The following SGCD variants were observed in gnomAD, a reference collection of about 807,000 sequenced individuals.
SGCD encodes delta-sarcoglycan.
In SGCD, 18 loss-of-function variants were observed where a neutral mutation model predicts 36.6. The observed-to-expected ratio is 0.49, with a 90% CI of 0.34 to 0.73. SGCD has a LOEUF of 0.73. Among genes scored for constraint, SGCD ranks in the 30% least tolerant of loss-of-function variants. SGCD has a pLI of 0.01. For synonymous variants in SGCD, 133 were observed against 130.6 expected (o/e 1.02, Z -0.12); for missense variants, 387 against 346.7 (o/e 1.12, Z -0.92).
intron 3 of SGCD, among the ~76,000 whole-genome samples, chr5:156,456,927 C>G (rs1201363886): frequency 6.6e-6 from 1 of 152,040 alleles, no homozygotes; most frequent in Non-Finnish European, 1.5e-5. Flanking sequence ...TTTTATTTTT[C>G]TGTATTGTAG....
At chr5:156,756,989 C>A (rs958195293) in intron 7 of SGCD, among the ~76,000 whole-genome samples, 1 of 151,998 alleles carries the variant, frequency 6.6e-6, no homozygotes, top group African/African-American at 2.4e-5. Flanking sequence ...ATTTGCATTT[C>A]TATTGTGTCA....
intron 6 of SGCD, among the ~76,000 whole-genome samples, chr5:156,610,771 C>T (rs527669089): frequency 2.6e-5 from 4 of 152,222 alleles, no homozygotes; most frequent in African/African-American, 7.2e-5. Context: ...CTCGCTGCCA[C>T]CTTGCAGTTT....
chr5:155,789,779 A>G, the SGCD span, among the ~76,000 whole-genome samples: 1 of 152,150 alleles, frequency 6.6e-6, no homozygotes, highest in Admixed American at 6.6e-5. Context: ...AGAAGTGTTT[A>G]GGACCATTTC....
intron 4 of SGCD, among the ~76,000 whole-genome samples, chr5:156,549,516 T>C (rs1394070966): frequency 1.3e-5 from 2 of 152,250 alleles, no homozygotes; most frequent in African/African-American, 4.8e-5. Flanking sequence ...AAGGAATTAA[T>C]GTTCATTAGG....
At chr5:156,263,796 A>G (rs773557101) in intron 3 of SGCD, among the ~76,000 whole-genome samples, 2 of 152,100 alleles carry the variant, frequency 1.3e-5, no homozygotes, top group Non-Finnish European at 2.9e-5. Context: ...ATCCAGCTTC[A>G]TTCTTCTACT....
intron 4 of SGCD, among the ~76,000 whole-genome samples, chr5:156,515,878 C>G (rs1406549945): frequency 6.6e-6 from 1 of 152,254 alleles, no homozygotes; most frequent in Non-Finnish European, 1.5e-5. Flanking sequence ...GAAGTCCCCA[C>G]AGTGCAACAC....
chr5:156,526,370 A>G (rs1271889956), intron 4 of SGCD, among the ~76,000 whole-genome samples: 1 of 152,150 alleles, frequency 6.6e-6, no homozygotes, highest in Non-Finnish European at 1.5e-5. Flanking sequence ...GTTAGTTTAG[A>G]AACAAAATGA....
At chr5:155,796,132 C>A in the SGCD span, among the ~76,000 whole-genome samples, 7 of 152,226 alleles carry the variant, frequency 4.6e-5, no homozygotes, top group East Asian at 1.4e-3. Context: ...GCACTGCATA[C>A]AATCATGAGA....
chr5:156,191,344 C>G (rs1763888454), intron 3 of SGCD, among the ~76,000 whole-genome samples: 1 of 151,866 alleles, frequency 6.6e-6, no homozygotes, highest in African/African-American at 2.4e-5. Context: ...GATTGATCAC[C>G]AAAGGATGGA....
chr5:156,019,011 A>G (rs949020940), intron 1 of SGCD, among the ~76,000 whole-genome samples: 21 of 152,238 alleles, frequency 1.4e-4, no homozygotes, highest in Non-Finnish European at 2.5e-4. Context: ...CATAATGTCC[A>G]TAGAGAGACG....
At chr5:155,929,205 G>A (rs1757052616) in intron 1 of SGCD, among the ~76,000 whole-genome samples, 1 of 152,036 alleles carries the variant, frequency 6.6e-6, no homozygotes, top group Admixed American at 6.6e-5. Context: ...CTGATCTAAA[G>A]TCTGACATGT....
chr5:156,633,487 C>T (rs141033000), intron 6 of SGCD, among the ~76,000 whole-genome samples: 1 of 152,142 alleles, frequency 6.6e-6, no homozygotes, highest in Non-Finnish European at 1.5e-5. Flanking sequence ...AAGAACATGG[C>T]CTCTGCAGCT....
intron 3 of SGCD, among the ~76,000 whole-genome samples, chr5:156,132,797 T>G (rs1762361095): frequency 2.0e-5 from 3 of 152,176 alleles, no homozygotes; most frequent in Admixed American, 2.0e-4. Context: ...GTCCTTCTCT[T>G]ACAACTTTCT....
chr5:155,940,712 G>A (rs983021916), intron 1 of SGCD, among the ~76,000 whole-genome samples: 1 of 152,060 alleles, frequency 6.6e-6, no homozygotes, highest in Non-Finnish European at 1.5e-5. Context: ...AGGTGTGGTG[G>A]CACATGCCTG....
Position 156,428,690 on chromosome 5 carries a change from C to CTGGG in SGCD, c.193-79910_193-79909insGGGT, listed in dbSNP as rs1773782083. 2.6e-5 allele frequency among the ~76,000 whole-genome samples: 4 copies of CTGGG among 152,062 alleles called. No individual in the cohort carries two copies. In the South Asian group the frequency reaches 8.3e-4, roughly 31 times the overall value. On this transcript the variant is annotated intron_variant, in intron 3 of 8. Transcript: ENST00000337851. ...CTCATTTAATGCTGTAAACTTTCCA[C>CTGGG]TTAGCACTGCTTTTGCTGTAACCCA...
chr5:156,013,953 C>G (rs1581042028), intron 1 of SGCD, among the ~76,000 whole-genome samples: 1 of 150,202 alleles, frequency 6.7e-6, no homozygotes, highest in East Asian at 1.9e-4. Flanking sequence ...TGCTTTTTGT[C>G]TCCGAGATAT....
intron 4 of SGCD, among the ~76,000 whole-genome samples, chr5:156,537,150 A>G (rs1193382542): frequency 1.3e-5 from 2 of 152,112 alleles, no homozygotes; most frequent in African/African-American, 2.4e-5. Context: ...TTTCCCCATT[A>G]TTCTACTCCA....
At chr5:155,803,778 T>C in the SGCD span, among the ~76,000 whole-genome samples, 2 of 152,190 alleles carry the variant, frequency 1.3e-5, no homozygotes, top group South Asian at 4.1e-4. Context: ...GGGAAATATC[T>C]GTATCTGAGG....
At chr5:156,255,260 A>G (rs1765687035) in intron 3 of SGCD, among the ~76,000 whole-genome samples, 1 of 152,226 alleles carries the variant, frequency 6.6e-6, no homozygotes, top group African/African-American at 2.4e-5. Context: ...CCATTCTTGC[A>G]TAATCGATAT....
Sources: allele counts gnomAD v4.1 joint callset (sites outside exome capture counted in the v4.1 genomes callset), GRCh38; gene constraint gnomAD v4.1.1; transcripts MANE v1.5; gene names NCBI Gene and HGNC (gene_info 2026-07-23, HGNC 2026-07-21).